GSAP: variants seen among roughly 807,000 people sequenced by gnomAD.
GSAP encodes the protein gamma-secretase activating protein.
GSAP carries 118 observed loss-of-function variants against 131.7 expected under a neutral mutation model. The ratio of observed to expected loss-of-function variants is 0.90; its 90% CI spans 0.77 to 1.04. GSAP has a LOEUF of 1.04. Among genes scored for constraint, GSAP ranks in the 50% least tolerant of loss-of-function variants. GSAP has a pLI of 0.00. For missense variants in GSAP, 1,019 were observed against 1,013.2 expected (o/e 1.01, Z -0.08); for synonymous variants, 381 against 363.4 (o/e 1.05, Z -0.55).
Position 77,312,146 on chromosome 7 carries a change from AATG to A in GSAP, c.2325_2327del (p.Ile776del). The A allele has an allele frequency of 5.6e-6, 9 of 1,605,460 alleles. No homozygotes were observed. Among genetic ancestry groups the A allele is most frequent in the Middle Eastern group, 1.7e-4 (1 of 6,024 alleles). On this transcript the variant is annotated inframe_deletion, in exon 29 of 31. Coordinates refer to ENST00000257626, the MANE Select transcript of GSAP (RefSeq NM_017439.4). ...GCAGTCGCGTCACGTGGTTCCGCGA[AATG>A]ATGTTAGAACTCATAGGATGATCCC...
At chr7:77,346,285 A>G (rs1791843420) in intron 19 of GSAP, among the ~76,000 whole-genome samples, 2 of 150,902 alleles carry the variant, frequency 1.3e-5, no homozygotes, top group African/African-American at 4.8e-5. Context: ...AAAAAAAAAA[A>G]AAAAAGAAAG....
At chr7:77,367,194 T>A (rs1367933484) in intron 12 of GSAP, among the ~76,000 whole-genome samples, 1 of 152,104 alleles carries the variant, frequency 6.6e-6, no homozygotes, top group Non-Finnish European at 1.5e-5. Flanking sequence ...CCTCTCTTCC[T>A]ATTTGGGATG....
intron 19 of GSAP, among the ~76,000 whole-genome samples, chr7:77,344,558 G>A (rs1459481621): frequency 1.4e-5 from 2 of 140,222 alleles, no homozygotes; most frequent in Non-Finnish European, 3.1e-5. Context: ...CCTATTCACT[G>A]TTCTCAACTA....
At chr7:77,353,401 A>G (rs1009108034) in intron 17 of GSAP, among the ~76,000 whole-genome samples, 171 bp downstream of exon 17, 1 of 152,064 alleles carries the variant, frequency 6.6e-6, no homozygotes, top group African/African-American at 2.4e-5. Context: ...AGAAAACCAC[A>G]AGAGAATGAA....
At chr7:77,344,452 CT>C (rs1791489913) in intron 19 of GSAP, among the ~76,000 whole-genome samples, 1 of 152,300 alleles carries the variant, frequency 6.6e-6, no homozygotes, top group South Asian at 2.1e-4. Flanking sequence ...ATGGACGCTC[CT>C]TTTTGTTAGG....
In GSAP at chr7:77,416,305, A is replaced by C; in HGVS notation, c.17T>G (p.Val6Gly). 1 of 1,496,216 alleles carries C rather than the reference A, an allele frequency of 6.7e-7. No individual in the cohort carries two copies. The highest frequency in any genetic ancestry group is 8.9e-7 in the Non-Finnish European group (1 of 1,124,530). The allele number at this position is 1,496,216 out of a possible 1,614,324, so 92.7% of individuals were successfully genotyped here. A position where few individuals can be genotyped will look rare whatever the true frequency, so the allele number is the denominator to read the frequency against. MALRL[V>G]ADFDLGKDVL... ...GTCCTTCCCGAGGTCGAAGTCGGCG[A>C]CCAGGCGAAGAGCCATCGCCCGGAC... The change falls in exon 1 of 31, where the codon GTC becomes GGC. Residue 6 changes from valine (V) to glycine (G), a missense_variant. Physicochemically the swap from Val to Gly is moderately radical, Grantham distance 109 (BLOSUM62 -3). Coordinates refer to ENST00000257626, the MANE Select transcript of GSAP (RefSeq NM_017439.4).
At chr7:77,403,810 T>C (rs1166530237) in intron 3 of GSAP, among the ~76,000 whole-genome samples, 4 of 152,230 alleles carry the variant, frequency 2.6e-5, no homozygotes, top group African/African-American at 7.2e-5. Context: ...TGTGGTCCAA[T>C]AGTCCTTGCA....
chr7:77,387,752 T>C (rs933267194), intron 5 of GSAP, among the ~76,000 whole-genome samples: 2 of 152,144 alleles, frequency 1.3e-5, no homozygotes, highest in African/African-American at 4.8e-5. Flanking sequence ...AACCACAGGA[T>C]ACTCAAGAAA....
chr7:77,330,248 G>C lies in GSAP; in HGVS notation c.1665C>G (p.Ile555Met). The C allele has an allele frequency of 6.2e-7, 1 of 1,612,334 alleles. No homozygotes were observed. The highest frequency in any genetic ancestry group is 8.5e-7 in the Non-Finnish European group (1 of 1,179,090). The change falls in exon 20 of 31, where the codon ATC becomes ATG. Residue 555 changes from isoleucine to methionine, a missense_variant. Transcript: ENST00000257626. ...ACTGACCCACTCATACCTCTTCAGAGATCAGGTTGTGCCACTCTCTCCTGA... is the reference window on the plus strand; with the variant it reads ...ACTGACCCACTCATACCTCTTCAGACATCAGGTTGTGCCACTCTCTCCTGA... ...SVVRREWHNLISEEKTGKRRS... is the reference protein window; with the variant it reads ...SVVRREWHNLMSEEKTGKRRS...
intron 23 of GSAP, 83 bp downstream of exon 23, chr7:77,326,129 G>T: frequency 2.3e-6 from 2 of 885,268 alleles, no homozygotes; most frequent in South Asian, 1.6e-5. Context: ...AATAAGATCA[G>T]AATGAGAAGC....
chr7:77,321,522 G>GACAC, intron 24 of GSAP, 119 bp from the exon 25 acceptor site: 1 of 695,974 alleles, frequency 1.4e-6, no homozygotes, highest in Non-Finnish European at 2.6e-6. Context: ...GCTGCATCCA[G>GACAC]ACACACAACT....
At chr7:77,354,240 A>G (rs988461667) in intron 16 of GSAP, among the ~76,000 whole-genome samples, 1 of 152,190 alleles carries the variant, frequency 6.6e-6, no homozygotes, top group Non-Finnish European at 1.5e-5. Flanking sequence ...TCCTACCAGT[A>G]AGCTGTTTAA....
chr7:77,409,389 A>T (rs1802873699), intron 1 of GSAP, among the ~76,000 whole-genome samples: 1 of 152,194 alleles, frequency 6.6e-6, no homozygotes, highest in African/African-American at 2.4e-5. Flanking sequence ...TCTCATCTGC[A>T]TTGTATAAGG....
chr7:77,368,663 T>A (rs1158069131), intron 12 of GSAP, among the ~76,000 whole-genome samples: 5 of 152,186 alleles, frequency 3.3e-5, no homozygotes, highest in Non-Finnish European at 7.3e-5. Flanking sequence ...TGCTTTTGGC[T>A]TACTAAGTCT....
rs776821125 is a variant in GSAP, at chr7:77,344,892, C to G, written c.1545+4459G>C. On this transcript the variant is annotated intron_variant, in intron 19 of 30. Coordinates refer to ENST00000257626, the MANE Select transcript of GSAP (RefSeq NM_017439.4). ...AAACAATTGCTGGCTTTGCATTTCT[C>G]TTTCCTCCAAAATCGCTGAGGCCTC... Among the ~76,000 whole-genome samples, 3 of 152,194 alleles carry G rather than the reference C, an allele frequency of 2.0e-5. No homozygotes were observed. In the South Asian group the frequency reaches 6.2e-4, roughly 31 times the overall value.
At chr7:77,377,258 A>AAAAAAAAAAAAAT in intron 9 of GSAP, 28 bp downstream of exon 9, 3 of 1,400,716 alleles carry the variant, frequency 2.1e-6, no homozygotes, top group Non-Finnish European at 2.8e-6. Flanking sequence ...AAAAAAAAAA[A>AAAAAAAAAAAAAT]GGAGTGCCCG....
rs564514974 is a variant in GSAP at position 77,344,406 on chromosome 7, G to A, written c.1545+4945C>T. Among the ~76,000 whole-genome samples the A allele has an allele frequency of 5.3e-5, 8 of 152,260 alleles. No individual in the cohort carries two copies. The East Asian group carries it at 7.7e-4, about 15-fold the overall frequency. On this transcript the variant is annotated intron_variant, in intron 19 of 30. Transcript: ENST00000257626. The stretch of plus-strand genomic sequence containing the variant: ...CTTCTCAGAATTCAGGCCTGTCCTC[G>A]GGATGCTACAGGGTACAGCCCATTT...
At chr7:77,414,844 CTTTTTTTTT>C (rs57095326) in intron 1 of GSAP, among the ~76,000 whole-genome samples, 21 of 59,874 alleles carry the variant, frequency 3.5e-4, no homozygotes, top group East Asian at 6.9e-4. Flanking sequence ...ATGTGGGCGA[CTTTTTTTTT>C]TTTTTTTTTT....
In GSAP at chr7:77,329,382, T is replaced by G. The variant is rs1453015426; in HGVS notation, c.1684A>C (p.Lys562Gln). The G allele has an allele frequency of 1.3e-6, 2 of 1,583,190 alleles. No individual in the cohort carries two copies. The highest frequency in any genetic ancestry group is 8.6e-7 in the Non-Finnish European group (1 of 1,162,234). Reference sequence around the variant, plus strand: ...CTCACGTATGCCGCAGACCTTCTTTTTCCTGTTTTCTAGGAGTGAGAACAC... The same window carrying G: ...CTCACGTATGCCGCAGACCTTCTTTGTCCTGTTTTCTAGGAGTGAGAACAC... ...HNLISEEKTG[K>Q]RRSAAYVRNI... is the part of the protein sequence containing the mutation. The change falls in exon 21 of 31, where the codon AAA becomes CAA. Residue 562 changes from lysine (K) to glutamine (Q), a missense_variant. Transcript: ENST00000257626.
Sources: allele counts gnomAD v4.1 joint callset (sites outside exome capture counted in the v4.1 genomes callset), GRCh38; gene constraint gnomAD v4.1.1; transcripts MANE v1.5; gene names NCBI Gene and HGNC (gene_info 2026-07-23, HGNC 2026-07-21).